Variants in CCDC192 observed in about 807,000 individuals in gnomAD.
CCDC192 encodes coiled-coil domain containing 192, also known as coiled-coil domain-containing protein 192.
intron 3 of CCDC192, among the ~76,000 whole-genome samples, chr5:127,765,311 G>A (rs1341496560): frequency 6.6e-6 from 1 of 152,112 alleles, no homozygotes; most frequent in East Asian, 1.9e-4. Context: ...AGACATTAAG[G>A]AAATATGCAA....
chr5:127,847,354 T>C (rs1750601144), intron 5 of CCDC192, among the ~76,000 whole-genome samples: 1 of 152,206 alleles, frequency 6.6e-6, no homozygotes, highest in Admixed American at 6.5e-5. Flanking sequence ...ATTCACATAG[T>C]GAATAGTCCG....
At chr5:127,896,451 G>A (rs956780710) in intron 6 of CCDC192, among the ~76,000 whole-genome samples, 7 of 136,530 alleles carry the variant, frequency 5.1e-5, no homozygotes. Flanking sequence ...TTTTTTTCTT[G>A]AGACGGAGTT....
At chr5:127,927,419 A>AT (rs1432522101) in intron 6 of CCDC192, among the ~76,000 whole-genome samples, 1 of 152,184 alleles carries the variant, frequency 6.6e-6, no homozygotes, top group African/African-American at 2.4e-5. Context: ...GCAGGCATCC[A>AT]CGGGGGGTCT....
At chr5:127,785,321 C>A (rs1756479166) in intron 3 of CCDC192, 5 of 453,998 alleles carry the variant, frequency 1.1e-5, no homozygotes, top group South Asian at 8.9e-5. Flanking sequence ...ACCCAGAGCT[C>A]AGCACCTGAA....
At position 127,818,590 on chromosome 5, in the gene CCDC192, T is replaced by C. The variant is rs555267508; in HGVS notation, c.411+20428T>C. On this transcript the variant is annotated intron_variant, in intron 5 of 6. Transcript: ENST00000514853. Reference sequence around the variant, plus strand: ...ATGACAAGTGGAATGATCGTGGCTGTCAAAAATTACTATGAGAATTCAGAG... The same window carrying C: ...ATGACAAGTGGAATGATCGTGGCTGCCAAAAATTACTATGAGAATTCAGAG... Among the ~76,000 whole-genome samples the C allele has an allele frequency of 8.8e-4, 134 of 152,314 alleles. 4 individuals carry two copies. In the South Asian group the frequency reaches 0.027, roughly 31 times the overall value.
chr5:127,736,529 G>A (rs1311574172), intron 2 of CCDC192, among the ~76,000 whole-genome samples: 2 of 151,840 alleles, frequency 1.3e-5, no homozygotes, highest in Non-Finnish European at 2.9e-5. Context: ...TTTACCTCTG[G>A]TAGAATTCGG....
intron 6 of CCDC192, among the ~76,000 whole-genome samples, chr5:127,891,353 C>T (rs949688923): frequency 2.6e-5 from 4 of 152,126 alleles, no homozygotes; most frequent in Non-Finnish European, 5.9e-5. Context: ...TGTGCCCAGC[C>T]GAAAATGACC....
chr5:127,783,763 C>G (rs1159021082), intron 3 of CCDC192, among the ~76,000 whole-genome samples: 2 of 151,940 alleles, frequency 1.3e-5, no homozygotes, highest in African/African-American at 4.8e-5. Flanking sequence ...GTATTGCTGT[C>G]TATCTCATTT....
chr5:127,744,465 G>A (rs551136883), intron 2 of CCDC192, among the ~76,000 whole-genome samples: 16 of 152,226 alleles, frequency 1.1e-4, no homozygotes, highest in Non-Finnish European at 1.5e-4. Context: ...CACTGAGCAG[G>A]GGCTGCTGCT....
At chr5:127,772,949 G>GT (rs1020782677) in intron 3 of CCDC192, among the ~76,000 whole-genome samples, 3 of 151,970 alleles carry the variant, frequency 2.0e-5, no homozygotes, top group Non-Finnish European at 2.9e-5. Flanking sequence ...GGCAGCTTCT[G>GT]TTTTTTTCAG....
intron 5 of CCDC192, among the ~76,000 whole-genome samples, chr5:127,816,071 A>G (rs17164654): frequency 0.02 from 3,101 of 152,226 alleles, 111 homozygotes; most frequent in African/African-American, 0.072. Context: ...AGAAGTTGAG[A>G]TACATTAATA....
intron 6 of CCDC192, among the ~76,000 whole-genome samples, chr5:127,932,500 G>A (rs76762343): frequency 6.6e-6 from 1 of 152,066 alleles, no homozygotes; most frequent in African/African-American, 2.4e-5. Context: ...CACCATGCCC[G>A]GCCACCAGTT....
chr5:127,849,312 C>T (rs1273574317), intron 5 of CCDC192, among the ~76,000 whole-genome samples: 1 of 152,066 alleles, frequency 6.6e-6, no homozygotes, highest in Non-Finnish European at 1.5e-5. Context: ...CCCAGTTCTA[C>T]AGCCAGGATT....
At chr5:127,787,029 G>A (rs933870386) in intron 3 of CCDC192, 34 of 320,708 alleles carry the variant, frequency 1.1e-4, no homozygotes, top group African/African-American at 5.3e-4. Context: ...TTCTGGCTCC[G>A]GATTTATGAC....
chr5:127,805,592 T>C (rs139428249), intron 5 of CCDC192, among the ~76,000 whole-genome samples: 1 of 152,210 alleles, frequency 6.6e-6, no homozygotes, highest in Non-Finnish European at 1.5e-5. Context: ...CAATGAGGAA[T>C]AGGGAAATTC....
chr5:127,941,102 G>A, intron 6 of CCDC192, 80 bp from the exon 7 acceptor site: 2 of 398,346 alleles, frequency 5.0e-6, no homozygotes, highest in East Asian at 3.6e-5. Context: ...GAGAAATGAA[G>A]CTTTTTCATT....
chr5:127,909,931 G>T (rs1217872232), intron 6 of CCDC192, among the ~76,000 whole-genome samples: 1 of 152,114 alleles, frequency 6.6e-6, no homozygotes, highest in Non-Finnish European at 1.5e-5. Context: ...TCAATACAAG[G>T]ATCAAATTTC....
chr5:127,711,103 C>A (rs965702168), intron 2 of CCDC192, among the ~76,000 whole-genome samples: 2 of 152,142 alleles, frequency 1.3e-5, no homozygotes, highest in African/African-American at 4.8e-5. Context: ...CACGACTGCT[C>A]CCTCTGAACT....
At chr5:127,784,893 G>A in intron 3 of CCDC192, 1 of 450,818 alleles carries the variant, frequency 2.2e-6, no homozygotes, top group Non-Finnish European at 4.4e-6. Flanking sequence ...GCACATTGAT[G>A]TTAACCCTTA....
Sources: allele counts gnomAD v4.1 joint callset (sites outside exome capture counted in the v4.1 genomes callset), GRCh38; gene constraint gnomAD v4.1.1; transcripts MANE v1.5; gene names NCBI Gene and HGNC (gene_info 2026-07-23, HGNC 2026-07-21).